ERCC6L2: variants seen among roughly 807,000 people sequenced by gnomAD.
ERCC6L2 encodes DNA excision repair protein ERCC-6-like 2.
A neutral mutation model predicts 132.0 loss-of-function variants in ERCC6L2; 77 were observed. The observed-to-expected ratio is 0.58, with a 90% confidence interval of 0.49 to 0.71. The LOEUF is 0.71. Among genes scored for constraint, ERCC6L2 ranks in the 30% least tolerant of loss-of-function variants. The pLI is 0.00. For missense variants in ERCC6L2, 1,542 were observed against 1,837.6 expected, an observed-to-expected ratio of 0.84 and a Z score of 2.94; for synonymous variants, 583 against 632.4, an observed-to-expected ratio of 0.92 and a Z score of 1.17.
intron 17 of ERCC6L2, among the ~76,000 whole-genome samples, chr9:95,978,984 A>G (rs17396338): frequency 0.11 from 16,069 of 152,230 alleles, 925 homozygotes; most frequent in Admixed American, 0.14. Flanking sequence ...CTGGTTTGAC[A>G]AAGGAATTAA....
At chr9:96,034,701 G>A (rs1365815429) in intron 19 of ERCC6L2, among the ~76,000 whole-genome samples, 1 of 149,576 alleles carries the variant, frequency 6.7e-6, no homozygotes, top group Non-Finnish European at 1.5e-5. Flanking sequence ...TCTGAGTTTG[G>A]GTGGGAATTC....
rs1285106969 is a variant in ERCC6L2 at position 95,992,167 on chromosome 9, CTT to C, written c.3493-12349_3493-12348del. 2.6e-5 allele frequency among the ~76,000 whole-genome samples: 4 copies of C among 152,276 alleles called. No individual in the cohort carries two copies. The East Asian group carries it at 7.7e-4, about 29-fold the overall frequency. On this transcript the variant is annotated intron_variant, in intron 17 of 18. Transcript: ENST00000653738. ...AAAACATAGCCACGCTTCTCACTAACTTTTTGGTTTTTTGCTTTGGAAAATAT... is the reference window on the plus strand; with the variant it reads ...AAAACATAGCCACGCTTCTCACTAACTTTGGTTTTTTGCTTTGGAAAATAT...
At chr9:96,005,920 G>C (rs538622607) in intron 18 of ERCC6L2, among the ~76,000 whole-genome samples, 1 of 152,292 alleles carries the variant, frequency 6.6e-6, no homozygotes, top group East Asian at 1.9e-4. Context: ...TTTGGTGATG[G>C]ACTGGTTCGG....
chr9:95,926,538 A>C (rs951180394), intron 9 of ERCC6L2, among the ~76,000 whole-genome samples: 1 of 152,200 alleles, frequency 6.6e-6, no homozygotes, highest in African/African-American at 2.4e-5. Context: ...AAAAGGCTAC[A>C]TACTGTATAA....
In ERCC6L2 at chr9:95,940,736, T is replaced by C. The variant is rs540508539; in HGVS notation, c.1752-718T>C. Among the ~76,000 whole-genome samples the C allele has an allele frequency of 3.9e-5, 6 of 152,192 alleles. No individual in the cohort carries two copies. The South Asian group carries it at 8.3e-4, about 21-fold the overall frequency. The stretch of plus-strand genomic sequence containing the variant: ...AACCAGGAAAAAAAAAGTGTGTGTG[T>C]TGTGCTGTTCTAGGTGGTGTGTTCT... On this transcript the variant is annotated intron_variant, in intron 11 of 18. Coordinates refer to ENST00000653738, the MANE Select transcript of ERCC6L2 (RefSeq NM_020207.7).
At chr9:95,973,195 C>G in intron 16 of ERCC6L2, 107 bp downstream of exon 16, 1 of 718,306 alleles carries the variant, frequency 1.4e-6, no homozygotes, top group Non-Finnish European at 2.0e-6. Flanking sequence ...AATCAAGATG[C>G]TGCATTGAGG....
intron 17 of ERCC6L2, among the ~76,000 whole-genome samples, chr9:96,003,487 A>G (rs1293943261): frequency 2.0e-5 from 3 of 152,184 alleles, no homozygotes; most frequent in Admixed American, 6.5e-5. Flanking sequence ...AAAGTGGCCT[A>G]CTTCTAGCCT....
Position 96,015,014 on chromosome 9 carries a change from A to AGTT in ERCC6L2, c.*1812_*1814dup, listed in dbSNP as rs1834149268. Among the ~76,000 whole-genome samples, 1 of 66,146 alleles carries AGTT rather than the reference A, an allele frequency of 1.5e-5. No individual in the cohort carries two copies. Among genetic ancestry groups the AGTT allele is most frequent in the Non-Finnish European group, 2.8e-5 (1 of 36,230 alleles). The allele number at this position is 66,146 out of a possible 152,430, so 43.4% of individuals were successfully genotyped here. A position where few individuals can be genotyped will look rare whatever the true frequency, so the allele number is the denominator to read the frequency against. Reference sequence around the variant, plus strand: ...AGCTCTATAGTCTTCATATATGTACAGTTTTTTTTTTTTTTTTTTTTTTTT... The same window carrying AGTT: ...AGCTCTATAGTCTTCATATATGTACAGTTGTTTTTTTTTTTTTTTTTTTTTTTT... On this transcript the variant is annotated 3_prime_UTR_variant, in exon 19 of 19. Transcript: ENST00000653738.
chr9:95,968,413 A>T (rs1250156940), intron 14 of ERCC6L2: 1 of 152,176 alleles, frequency 6.6e-6, no homozygotes, highest in Non-Finnish European at 1.5e-5. Context: ...ATTTTGAATT[A>T]AAATTACTCA....
At position 95,994,767 on chromosome 9, in the gene ERCC6L2, G is replaced by A. The variant is rs537117791; in HGVS notation, c.3493-9753G>A. Among the ~76,000 whole-genome samples the A allele has an allele frequency of 4.9e-5, 6 of 121,444 alleles. No homozygotes were observed. In the East Asian group the frequency reaches 1.3e-3, roughly 25 times the overall value. 79.7% of individuals were successfully genotyped at this position (121,444 alleles called of 152,430 possible). ...GATTACTGATAATATTTCTCCTGCCGAAATGGGAACTAGAGGCTGTTCCTT... is the reference window on the plus strand; with the variant it reads ...GATTACTGATAATATTTCTCCTGCCAAAATGGGAACTAGAGGCTGTTCCTT... On this transcript the variant is annotated intron_variant, in intron 17 of 18. Transcript: ENST00000653738.
chr9:95,972,087 G>A lies in ERCC6L2; in HGVS notation c.2336G>A (p.Ser779Asn). The A allele has an allele frequency of 4.6e-6, 6 of 1,304,258 alleles. No individual in the cohort carries two copies. Among genetic ancestry groups the A allele is most frequent in the Non-Finnish European group, 6.1e-6 (6 of 988,940 alleles). The allele number at this position is 1,304,258 out of a possible 1,614,324, so 80.8% of individuals were successfully genotyped here. The change falls in exon 16 of 19, where the codon AGT becomes AAT. Residue 779 changes from serine (S) to asparagine (N), a missense_variant. Transcript: ENST00000653738. ...KTAKNKAPDS[S>N]KASSSPGQLT... ...GCCAAAAACAAAGCACCCGATTCAA[G>A]TAAAGCTTCCAGCTCTCCAGGACAG...
intron 4 of ERCC6L2, among the ~76,000 whole-genome samples, chr9:95,910,416 T>C (rs1293706763): frequency 6.6e-6 from 1 of 152,230 alleles, no homozygotes; most frequent in Non-Finnish European, 1.5e-5. Context: ...TTGTTCCTTT[T>C]TATTGCCGAT....
intron 13 of ERCC6L2, among the ~76,000 whole-genome samples, chr9:95,965,425 C>T (rs1321367954): frequency 2.6e-5 from 4 of 152,032 alleles, no homozygotes; most frequent in African/African-American, 9.7e-5. Context: ...CAGTAAATGG[C>T]AGCTGTTATT....
intron 4 of ERCC6L2, among the ~76,000 whole-genome samples, chr9:95,912,508 A>G (rs1302376889): frequency 6.6e-6 from 1 of 152,172 alleles, no homozygotes; most frequent in Non-Finnish European, 1.5e-5. Flanking sequence ...AGCAAGTTGC[A>G]TAAAACATGA....
In ERCC6L2 at chr9:95,897,887, A is replaced by T; in HGVS notation, c.510A>T (p.Gly170=). ...SFLAAVLHKK[G]TREDIENNMP... ...TGGCTGCAGTTTTGCATAAAAAGGG[A>T]ACTCGTGAGGATATTGAAAATAACA... Residue 170 remains glycine, a synonymous_variant, in exon 3 of 19, where the codon GGA becomes GGT. Coordinates refer to ENST00000653738, the MANE Select transcript of ERCC6L2 (RefSeq NM_020207.7). The T allele has an allele frequency of 1.2e-6, 2 of 1,612,746 alleles. No homozygotes were observed. The highest frequency in any genetic ancestry group is 2.7e-5 in the African/African-American group (2 of 74,962).
chr9:96,005,170 G>A (rs573648862), intron 18 of ERCC6L2, among the ~76,000 whole-genome samples: 14 of 152,190 alleles, frequency 9.2e-5, no homozygotes, highest in South Asian at 2.1e-4. Flanking sequence ...AAAATTAGCC[G>A]GGCGTGGTGG....
intron 16 of ERCC6L2, 32 bp downstream of exon 16, chr9:95,973,120 A>T: frequency 2.4e-6 from 3 of 1,242,572 alleles, no homozygotes; most frequent in Non-Finnish European, 3.2e-6. Context: ...AAACTTTAAA[A>T]AGTATATTTG....
intron 13 of ERCC6L2, among the ~76,000 whole-genome samples, chr9:95,963,057 A>C (rs1831985410): frequency 1.3e-5 from 2 of 152,076 alleles, no homozygotes; most frequent in South Asian, 4.1e-4. Flanking sequence ...ACATTTTAAA[A>C]ATATAAACAT....
chr9:96,021,037 C>A (rs1172717564), downstream of ERCC6L2: 13 of 454,786 alleles, frequency 2.9e-5, no homozygotes, highest in African/African-American at 2.2e-4. The surrounding 1 kb of genome is among the most constrained non-coding windows in gnomAD (Gnocchi z 4.7). Flanking sequence ...GCAGCGCCGC[C>A]GCGGCGAACC....
Sources: allele counts gnomAD v4.1 joint callset (sites outside exome capture counted in the v4.1 genomes callset), GRCh38; gene constraint gnomAD v4.1.1; non-coding constraint Gnocchi (gnomAD v3.1); transcripts MANE v1.5; gene names NCBI Gene and HGNC (gene_info 2026-07-23, HGNC 2026-07-21).